The following MPDZ variants were observed in gnomAD, a reference collection of about 807,000 sequenced individuals.
MPDZ encodes the protein multiple PDZ domain crumbs cell polarity complex component.
A neutral mutation model predicts 239.1 loss-of-function variants in MPDZ; 234 were observed. The ratio of observed to expected loss-of-function variants is 0.98; its 90% CI spans 0.88 to 1.09. The LOEUF is 1.09. Among genes scored for constraint, MPDZ ranks in the 50% least tolerant of loss-of-function variants. MPDZ has a pLI of 0.00. For missense variants in MPDZ, 3,175 were observed against 2,510.0 expected (o/e 1.26, Z -5.66); for synonymous variants, 1,048 against 881.3 (o/e 1.19, Z -3.35).
intron 35 of MPDZ, among the ~76,000 whole-genome samples, chr9:13,123,681 A>C (rs1217983119): frequency 6.6e-6 from 1 of 152,182 alleles, no homozygotes; most frequent in Non-Finnish European, 1.5e-5. Context: ...TTATGAATTA[A>C]AAGATTTATA....
At chr9:13,224,674 A>C in intron 3 of MPDZ, 91 bp from the exon 4 acceptor site, 1 of 852,826 alleles carries the variant, frequency 1.2e-6, no homozygotes, top group Non-Finnish European at 1.8e-6. Context: ...ATACAAATGA[A>C]ATTTCAAAAT....
At chr9:13,263,340 A>G (rs1971109035) in intron 1 of MPDZ, among the ~76,000 whole-genome samples, 1 of 151,540 alleles carries the variant, frequency 6.6e-6, no homozygotes, top group African/African-American at 2.4e-5. Flanking sequence ...TTTAGAGGCT[A>G]GGACTAGAGA....
rs781580265 is a variant in MPDZ, at chr9:13,168,538, C to T, written c.3082G>A (p.Gly1028Ser). ...ATGCTTCGAACGATCATCCCCAAGC[C>T]ATCTTTATTAGCACTAACTGTCATT... Reference protein sequence around the residue: ...LGMTVSANKDGLGMIVRSIIH... With the variant: ...LGMTVSANKDSLGMIVRSIIH... The change falls in exon 22 of 47, where the codon GGC (glycine) becomes AGC (serine). Residue 1028 changes from glycine (G) to serine (S), a missense_variant. Physicochemically the swap from Gly to Ser is moderately conservative, Grantham distance 56 (BLOSUM62 0). Coordinates refer to ENST00000319217, the MANE Select transcript of MPDZ (RefSeq NM_001378778.1). 10 of 1,609,536 alleles carry T rather than the reference C, an allele frequency of 6.2e-6. No individual in the cohort carries two copies. The highest frequency in any genetic ancestry group is 1.3e-5 in the African/African-American group (1 of 74,842).
At position 13,270,349 on chromosome 9, in the gene MPDZ, A is replaced by G. The variant is rs972521214; in HGVS notation, c.-58+9051T>C. 2.6e-5 allele frequency among the ~76,000 whole-genome samples: 4 copies of G among 152,216 alleles called. No homozygotes were observed. The East Asian group carries it at 5.8e-4, about 22-fold the overall frequency. ...AAAAGGCTGAGTGGTTCCAGCCAAC[A>G]TAACAGGTTTTCATAACAGAATGAA... On this transcript the variant is annotated intron_variant, in intron 1 of 46. Coordinates refer to ENST00000319217, the MANE Select transcript of MPDZ (RefSeq NM_001378778.1).
chr9:13,145,131 T>A (rs1246795845), intron 26 of MPDZ, among the ~76,000 whole-genome samples: 1 of 152,064 alleles, frequency 6.6e-6, no homozygotes, highest in African/African-American at 2.4e-5. Context: ...TGTAAAAGTA[T>A]AGCATAGGCA....
chr9:13,160,332 T>A (rs1950313792), intron 23 of MPDZ, among the ~76,000 whole-genome samples: 1 of 152,168 alleles, frequency 6.6e-6, no homozygotes, highest in Non-Finnish European at 1.5e-5. Flanking sequence ...TGTGTTCTAT[T>A]TTAAGCATTC....
chr9:13,117,007 A>C (rs896183702), intron 39 of MPDZ, among the ~76,000 whole-genome samples: 1 of 152,138 alleles, frequency 6.6e-6, no homozygotes, highest in Non-Finnish European at 1.5e-5. Flanking sequence ...CACTATGGAT[A>C]GTGCTGAACT....
rs755256638 is a variant in MPDZ, at chr9:13,221,457, C to A, written c.791G>T (p.Gly264Val). The A allele has an allele frequency of 6.2e-7, 1 of 1,611,080 alleles. No homozygotes were observed. Among genetic ancestry groups the A allele is most frequent in the Admixed American group, 1.7e-5 (1 of 59,772 alleles). The change falls in exon 7 of 47, where the codon GGA becomes GTA. Residue 264 changes from glycine to valine, a missense_variant. Gly to Val is a moderately radical substitution (Grantham distance 109). Transcript: ENST00000319217. ...HMETIELVND[G>V]SGLGFGIIGG... ...TATGATGCCAAATCCCAAACCAGAT[C>A]CATCATTCACCAATTCAATCGTTTC...
rs1305161299 is a variant in MPDZ, at chr9:13,223,682, A to G, written c.422T>C (p.Leu141Pro). 1.2e-6 allele frequency: 2 copies of G among 1,608,708 alleles called. No homozygotes were observed. The highest frequency in any genetic ancestry group is 8.5e-7 in the Non-Finnish European group (1 of 1,177,420). The change falls in exon 5 of 47, where the codon CTC becomes CCC. Residue 141 changes from leucine (L) to proline (P), a missense_variant. Leu to Pro is a moderately conservative substitution (Grantham distance 98). Coordinates refer to ENST00000319217, the MANE Select transcript of MPDZ (RefSeq NM_001378778.1). Reference sequence around the variant, plus strand: ...CCCAAGGCCTCCAGATGGAGGTTTGAGGAGCTCAAAAACTTCTACATGGCG... The same window carrying G: ...CCCAAGGCCTCCAGATGGAGGTTTGGGGAGCTCAAAAACTTCTACATGGCG... ...QGRHVEVFEL[L>P]KPPSGGLGFS...
chr9:13,262,756 A>G (rs1396976269), intron 1 of MPDZ, among the ~76,000 whole-genome samples: 3 of 152,110 alleles, frequency 2.0e-5, no homozygotes, highest in Non-Finnish European at 4.4e-5. Context: ...CACAATAAAC[A>G]CAAGTGGGTT....
chr9:13,222,389 A>ACTATTCTTTTAT lies in MPDZ; in HGVS notation c.590_591insATAAAAGAATAG (p.Asp197delinsGluTer). 1 of 1,612,890 alleles carries ACTATTCTTTTAT rather than the reference A, an allele frequency of 6.2e-7. No individual in the cohort carries two copies. Among genetic ancestry groups the ACTATTCTTTTAT allele is most frequent in the Non-Finnish European group, 8.5e-7 (1 of 1,179,278 alleles). On this transcript the variant is annotated stop_gained and protein_altering_variant, in exon 6 of 47. Coordinates refer to ENST00000319217, the MANE Select transcript of MPDZ (RefSeq NM_001378778.1). LOFTEE classifies it high-confidence loss of function. ...TAGCCTGCTGATGTGTAATTGTCTG[A>ACTATTCTTTTAT]TCAAGAGCCTGTCCATTGATAGCAA...
intron 3 of MPDZ, among the ~76,000 whole-genome samples, 180 bp from the exon 4 acceptor site, chr9:13,224,763 T>C (rs916101317): frequency 6.6e-6 from 1 of 152,168 alleles, no homozygotes; most frequent in African/African-American, 2.4e-5. Context: ...CACAAAGATG[T>C]GTGTGCATCA....
chr9:13,166,593 T>G (rs1455401850), intron 22 of MPDZ, among the ~76,000 whole-genome samples: 2 of 152,096 alleles, frequency 1.3e-5, no homozygotes, highest in Non-Finnish European at 2.9e-5. Context: ...ATGACTGATT[T>G]CCAGAGGAGG....
At position 13,150,702 on chromosome 9, in the gene MPDZ, A is replaced by C; in HGVS notation, c.3453-14T>G. 1 of 1,318,410 alleles carries C rather than the reference A, an allele frequency of 7.6e-7. No homozygotes were observed. The highest frequency in any genetic ancestry group is 9.8e-7 in the Non-Finnish European group (1 of 1,025,240). 81.7% of individuals were successfully genotyped at this position (1,318,410 alleles called of 1,614,324 possible). A position where few individuals can be genotyped will look rare whatever the true frequency, so the allele number is the denominator to read the frequency against. On this transcript the variant is annotated splice_polypyrimidine_tract_variant and intron_variant, in intron 24 of 46. Transcript: ENST00000319217. ...CAGAGTTCCACCCTAAAAAATAAAT[A>C]AAATTTTCAACTCTTAGGAAAAATC...
intron 10 of MPDZ, among the ~76,000 whole-genome samples, chr9:13,211,221 C>T (rs1432610323): frequency 2.6e-5 from 4 of 152,052 alleles, no homozygotes; most frequent in Non-Finnish European, 4.4e-5. Context: ...AAGAATACCC[C>T]AAGACATGAA....
At chr9:13,124,071 C>CTAGG (rs1307276682) in intron 35 of MPDZ, among the ~76,000 whole-genome samples, 1 of 152,184 alleles carries the variant, frequency 6.6e-6, no homozygotes, top group Admixed American at 6.5e-5. Context: ...TTTGGGAAAG[C>CTAGG]TAGGACACTT....
chr9:13,159,735 T>C (rs1371110270), intron 23 of MPDZ, among the ~76,000 whole-genome samples: 1 of 152,070 alleles, frequency 6.6e-6, no homozygotes, highest in Non-Finnish European at 1.5e-5. Flanking sequence ...AGAAGATAAA[T>C]ATCCTGAATA....
chr9:13,163,660 A>G (rs1287105551), intron 22 of MPDZ, among the ~76,000 whole-genome samples: 1 of 152,162 alleles, frequency 6.6e-6, no homozygotes, highest in East Asian at 1.9e-4. Flanking sequence ...GAAATACTGT[A>G]TCTGAACTCA....
chr9:13,236,991 G>A (rs922372641), intron 3 of MPDZ, among the ~76,000 whole-genome samples: 8 of 151,426 alleles, frequency 5.3e-5, no homozygotes, highest in East Asian at 1.9e-4. Flanking sequence ...TCCAAGATAC[G>A]CTGAAAAAAA....
Sources: allele counts gnomAD v4.1 joint callset (sites outside exome capture counted in the v4.1 genomes callset), GRCh38; gene constraint gnomAD v4.1.1; transcripts MANE v1.5; gene names NCBI Gene and HGNC (gene_info 2026-07-23, HGNC 2026-07-21).